Variants in ADAMTS20 observed in about 807,000 individuals in gnomAD.
ADAMTS20 encodes ADAM metallopeptidase with thrombospondin type 1 motif 20.
In ADAMTS20, 225 loss-of-function variants were observed where a neutral mutation model predicts 260.1. That is an observed-to-expected ratio of 0.87 (90% CI 0.78 to 0.97). The LOEUF is 0.97. Among genes scored for constraint, ADAMTS20 ranks in the 50% least tolerant of loss-of-function variants. ADAMTS20 has a pLI of 0.00. For synonymous variants in ADAMTS20, 802 were observed against 769.5 expected (o/e 1.04, Z -0.70); for missense variants, 2,400 against 2,337.7 (o/e 1.03, Z -0.55).
rs1940674594 is a variant in ADAMTS20, at chr12:43,395,208, C to T, written c.4452+3858G>A. On this transcript the variant is annotated intron_variant, in intron 29 of 38. Coordinates refer to ENST00000389420, the MANE Select transcript of ADAMTS20 (RefSeq NM_025003.5). ...GGAAGCAGGAGGGCATCCTCCCTGTCCCTGAACCCTAGTCTACCTTCACCA... is the reference window on the plus strand; with the variant it reads ...GGAAGCAGGAGGGCATCCTCCCTGTTCCTGAACCCTAGTCTACCTTCACCA... Among the ~76,000 whole-genome samples, 3 of 152,122 alleles carry T rather than the reference C, an allele frequency of 2.0e-5. No homozygotes were observed. In the South Asian group the frequency reaches 6.2e-4, roughly 32 times the overall value.
At chr12:43,546,134 A>T (rs997964908) in intron 2 of ADAMTS20, among the ~76,000 whole-genome samples, 1 of 152,216 alleles carries the variant, frequency 6.6e-6, no homozygotes, top group African/African-American at 2.4e-5. Flanking sequence ...TTGCCAGAAT[A>T]CACAAAAAAC....
At chr12:43,452,152 T>TATGCAAAGG (rs1941875142) in intron 14 of ADAMTS20, 122 bp downstream of exon 14, 1 of 1,047,696 alleles carries the variant, frequency 9.5e-7, no homozygotes, top group African/African-American at 1.6e-5. Context: ...CAAAGGTTGC[T>TATGCAAAGG]TTGTTGGAAT....
chr12:43,470,490 A>C (rs1434000523), intron 7 of ADAMTS20, among the ~76,000 whole-genome samples: 2 of 152,200 alleles, frequency 1.3e-5, no homozygotes, highest in African/African-American at 4.8e-5. Context: ...CTCAAAGTAA[A>C]TGGTTAATAT....
intron 3 of ADAMTS20, among the ~76,000 whole-genome samples, chr12:43,504,764 A>C (rs1207556549): frequency 6.6e-6 from 1 of 152,216 alleles, no homozygotes; most frequent in Non-Finnish European, 1.5e-5. Flanking sequence ...TTAACAACAT[A>C]GTAAAGATAA....
At chr12:43,412,310 T>A (rs1941046784) in intron 28 of ADAMTS20, among the ~76,000 whole-genome samples, 1 of 152,238 alleles carries the variant, frequency 6.6e-6, no homozygotes, top group South Asian at 2.1e-4. Flanking sequence ...GAGAGAAAAT[T>A]CAGTTGCTTG....
intron 29 of ADAMTS20, among the ~76,000 whole-genome samples, chr12:43,388,895 G>C (rs560158102): frequency 3.5e-4 from 54 of 152,278 alleles, no homozygotes; most frequent in African/African-American, 1.1e-3. Context: ...GGTTCCTACA[G>C]GGCACCCTCT....
chr12:43,424,557 A>C (rs1377576242), intron 28 of ADAMTS20, among the ~76,000 whole-genome samples: 1 of 151,944 alleles, frequency 6.6e-6, no homozygotes, highest in African/African-American at 2.4e-5. Flanking sequence ...CAAAATAATA[A>C]GTTGGATAAT....
chr12:43,392,956 C>T (rs2137241946), intron 29 of ADAMTS20, among the ~76,000 whole-genome samples: 1 of 152,210 alleles, frequency 6.6e-6, no homozygotes, highest in African/African-American at 2.4e-5. Flanking sequence ...TTATCTCCAG[C>T]TTTGGTCACA....
chr12:43,446,708 G>T lies in ADAMTS20; in HGVS notation c.2084C>A (p.Ala695Asp). ...GGAGTTTAACACGTGATCACAACCAGCTGCCTTCAAGACACAATTACAATC... is the reference window on the plus strand; with the variant it reads ...GGAGTTTAACACGTGATCACAACCATCTGCCTTCAAGACACAATTACAATC... ...DICVQGQCMA[A>D]GCDHVLNSSA... The change falls in exon 15 of 39, where the codon GCT becomes GAT. Residue 695 changes from alanine to aspartate, a missense_variant. Coordinates refer to ENST00000389420, the MANE Select transcript of ADAMTS20 (RefSeq NM_025003.5). 1 of 1,612,290 alleles carries T rather than the reference G, an allele frequency of 6.2e-7. No homozygotes were observed. The highest frequency in any genetic ancestry group is 1.1e-5 in the South Asian group (1 of 90,996).
chr12:43,466,556 G>GA (rs2137382066), intron 9 of ADAMTS20, 96 bp downstream of exon 9: 2 of 1,207,060 alleles, frequency 1.7e-6, no homozygotes, highest in South Asian at 1.4e-5. Context: ...ATTTAAACAA[G>GA]AAAAAGCTAA....
intron 2 of ADAMTS20, among the ~76,000 whole-genome samples, chr12:43,536,899 A>G (rs754041671): frequency 2.1e-4 from 32 of 152,218 alleles, no homozygotes; most frequent in Non-Finnish European, 3.7e-4. Flanking sequence ...TTCTGTGAAG[A>G]CCCAATTCAG....
At chr12:43,509,414 G>A (rs1483825893) in intron 3 of ADAMTS20, among the ~76,000 whole-genome samples, 2 of 151,998 alleles carry the variant, frequency 1.3e-5, no homozygotes, top group Non-Finnish European at 2.9e-5. Flanking sequence ...TCAACCATAA[G>A]AGAACATTCT....
At chr12:43,405,229 C>CA (rs869040570) in intron 28 of ADAMTS20, among the ~76,000 whole-genome samples, 2,866 of 52,568 alleles carry the variant, frequency 0.055, 329 homozygotes, top group Non-Finnish European at 0.064. Flanking sequence ...CTCATCTCTA[C>CA]AAAAAAAAAA....
At chr12:43,433,703 AACACACACACACACAC>A (rs56226241) in intron 19 of ADAMTS20, 76 of 358,036 alleles carry the variant, frequency 2.1e-4, no homozygotes, top group Admixed American at 4.1e-4. Flanking sequence ...TGCACACACA[AACACACACACACACAC>A]ACACACACAC....
chr12:43,455,473 C>T (rs10880498), intron 11 of ADAMTS20, among the ~76,000 whole-genome samples: 49,466 of 151,868 alleles, frequency 0.33, 8,671 homozygotes, highest in East Asian at 0.75. Context: ...GAGCACAATG[C>T]AGAAGGACCG....
At chr12:43,405,416 TCTAATAATAATA>T (rs1437818003) in intron 28 of ADAMTS20, among the ~76,000 whole-genome samples, 6 of 70,026 alleles carry the variant, frequency 8.6e-5, no homozygotes, top group Admixed American at 1.9e-4. Flanking sequence ...AGACGTCTTC[TCTAATAATAATA>T]ATAATAATAA....
In ADAMTS20 at chr12:43,446,584, A is replaced by G; in HGVS notation, c.2197+11T>C. 6.2e-7 allele frequency: 1 copy of G among 1,603,436 alleles called. No homozygotes were observed. The highest frequency in any genetic ancestry group is 1.1e-5 in the South Asian group (1 of 90,700). ...ATAAAAGCGAAATCTAGAAACAAAT[A>G]CACAACTTACCATAATGAGAACTGT... On this transcript the variant is annotated intron_variant, in intron 15 of 38. Coordinates refer to ENST00000389420, the MANE Select transcript of ADAMTS20 (RefSeq NM_025003.5).
intron 28 of ADAMTS20, among the ~76,000 whole-genome samples, chr12:43,400,075 G>T (rs995201320): frequency 2.0e-5 from 3 of 151,950 alleles, no homozygotes; most frequent in African/African-American, 7.2e-5. Context: ...ATAAGATAAA[G>T]AATATGAAAT....
At chr12:43,507,559 G>A (rs1296375386) in intron 3 of ADAMTS20, among the ~76,000 whole-genome samples, 2 of 152,180 alleles carry the variant, frequency 1.3e-5, no homozygotes, top group Non-Finnish European at 2.9e-5. Context: ...CCCAAAGTCT[G>A]TCTGGCCTAA....
Sources: gnomAD v4.1 joint callset for allele counts (sites outside exome capture counted in the v4.1 genomes callset) on GRCh38, gnomAD v4.1.1 for gene constraint, MANE v1.5 for transcripts, NCBI Gene and HGNC (gene_info 2026-07-23, HGNC 2026-07-21) for gene names.